The following DNER variants were observed in gnomAD, a reference collection of about 807,000 sequenced individuals.
DNER encodes delta/notch like EGF repeat containing.
Under a neutral mutation model 78.2 loss-of-function variants are expected in DNER, and 33 were observed. The ratio of observed to expected loss-of-function variants is 0.42; its 90% CI spans 0.32 to 0.56. DNER has a LOEUF of 0.56. Ranked by LOEUF, DNER falls within the 20% of genes least tolerant of loss-of-function variation. The pLI is 0.11. For missense variants in DNER, 918 were observed against 975.3 expected, an observed-to-expected ratio of 0.94 and a Z score of 0.78; for synonymous variants, 417 against 384.8, an observed-to-expected ratio of 1.08 and a Z score of -0.98.
At chr2:229,431,090 C>A (rs189660154) in intron 8 of DNER, among the ~76,000 whole-genome samples, 9 of 152,176 alleles carry the variant, frequency 5.9e-5, no homozygotes, top group Admixed American at 5.2e-4. Context: ...GTTAAAAATT[C>A]TGTAACTTCT....
At chr2:229,456,273 C>A (rs558807998) in intron 7 of DNER, among the ~76,000 whole-genome samples, 7 of 151,826 alleles carry the variant, frequency 4.6e-5, no homozygotes, top group African/African-American at 1.7e-4. Flanking sequence ...CCAGCTGTCA[C>A]GTGAACTCAG....
In DNER at chr2:229,491,267, G is replaced by A. The variant is rs530584970; in HGVS notation, c.1148-14014C>T. 1.1e-4 allele frequency among the ~76,000 whole-genome samples: 17 copies of A among 152,252 alleles called. No homozygotes were observed. The South Asian group carries it at 2.1e-3, about 19-fold the overall frequency. On this transcript the variant is annotated intron_variant, in intron 6 of 12. Transcript: ENST00000341772. The stretch of plus-strand genomic sequence containing the variant: ...AAATACCTGACACTAGGAAATTTAC[G>A]AGGTGCATGCAGATTCAGTGTTTGG...
chr2:229,564,050 C>G (rs111162778), intron 4 of DNER, among the ~76,000 whole-genome samples: 1 of 77,274 alleles, frequency 1.3e-5, no homozygotes, highest in Non-Finnish European at 2.5e-5. Flanking sequence ...ATCATCAACA[C>G]CATCACCCCA....
intron 5 of DNER, among the ~76,000 whole-genome samples, chr2:229,537,829 C>T (rs573138645): frequency 1.1e-3 from 174 of 152,108 alleles, no homozygotes; most frequent in Non-Finnish European, 1.8e-3. Flanking sequence ...CATATGTATA[C>T]ATGTGACAGG....
intron 10 of DNER, among the ~76,000 whole-genome samples, chr2:229,400,246 T>A (rs1447683737): frequency 2.6e-5 from 4 of 152,040 alleles, no homozygotes; most frequent in African/African-American, 9.7e-5. Context: ...ATGTTTAGCT[T>A]AATATAGACA....
intron 10 of DNER, among the ~76,000 whole-genome samples, chr2:229,402,552 C>A (rs1693290642): frequency 6.6e-6 from 1 of 152,140 alleles, no homozygotes; most frequent in South Asian, 2.1e-4. Context: ...ATAGTAACAT[C>A]ATTCTACCTT....
intron 5 of DNER, among the ~76,000 whole-genome samples, chr2:229,539,596 A>G (rs1164633885): frequency 6.6e-6 from 1 of 152,238 alleles, no homozygotes; most frequent in Non-Finnish European, 1.5e-5. Flanking sequence ...GTACAGATCT[A>G]ACTCAAAACT....
chr2:229,669,973 A>G (rs13422868), intron 1 of DNER, among the ~76,000 whole-genome samples: 31,532 of 152,114 alleles, frequency 0.21, 5,669 homozygotes, highest in African/African-American at 0.49. Context: ...TCCCTGTGCA[A>G]GCTGCAGAGA....
chr2:229,552,573 T>C (rs1278939699), intron 4 of DNER, among the ~76,000 whole-genome samples: 1 of 152,088 alleles, frequency 6.6e-6, no homozygotes, highest in African/African-American at 2.4e-5. Flanking sequence ...ATAAGGGGCT[T>C]TTCCCCCTTT....
intron 11 of DNER, among the ~76,000 whole-genome samples, chr2:229,371,179 C>T (rs775702243): frequency 5.3e-5 from 8 of 152,212 alleles, no homozygotes; most frequent in Non-Finnish European, 8.8e-5. Context: ...GCTTTACAGG[C>T]TAATTGGTTT....
Position 229,547,186 on chromosome 2 carries a change from T to C in DNER, c.848-94A>G, listed in dbSNP as rs1168314129. 11 of 1,511,580 alleles carry C rather than the reference T, an allele frequency of 7.3e-6. No individual in the cohort carries two copies. The Admixed American group carries it at 2.0e-4, about 27-fold the overall frequency. The allele number at this position is 1,511,580 out of a possible 1,614,324, so 93.6% of individuals were successfully genotyped here. The stretch of plus-strand genomic sequence containing the variant: ...TACCAACAGCCTTTCTACAAGACTA[T>C]GAATTTAGTGTAGGCAGCACTCAAG... On this transcript the variant is annotated intron_variant, in intron 4 of 12. Transcript: ENST00000341772.
At chr2:229,529,985 G>C (rs1322318848) in intron 5 of DNER, among the ~76,000 whole-genome samples, 1 of 151,648 alleles carries the variant, frequency 6.6e-6, no homozygotes, top group Non-Finnish European at 1.5e-5. Context: ...ATGGGTGACA[G>C]AGTGAGGCCT....
chr2:229,583,283 A>G (rs1401144199), intron 4 of DNER, among the ~76,000 whole-genome samples: 1 of 152,230 alleles, frequency 6.6e-6, no homozygotes, highest in Admixed American at 6.5e-5. Context: ...CATGTAATGC[A>G]CCTGACCTAG....
At chr2:229,515,322 G>T (rs543446576) in intron 5 of DNER, among the ~76,000 whole-genome samples, 1 of 152,198 alleles carries the variant, frequency 6.6e-6, no homozygotes, top group African/African-American at 2.4e-5. Flanking sequence ...ATATGTGCAT[G>T]AGTCCTGTTT....
intron 7 of DNER, among the ~76,000 whole-genome samples, chr2:229,459,561 A>G (rs1694647055): frequency 1.3e-5 from 2 of 152,190 alleles, no homozygotes; most frequent in Non-Finnish European, 1.5e-5. Context: ...TTTACAGACG[A>G]AGGTTCAGAG....
intron 8 of DNER, among the ~76,000 whole-genome samples, chr2:229,443,982 C>T (rs1393344100): frequency 1.3e-5 from 2 of 152,182 alleles, no homozygotes; most frequent in Non-Finnish European, 2.9e-5. Flanking sequence ...CCAGGTTCAA[C>T]AAGAGGGCCC....
chr2:229,648,875 A>G (rs1378494351), intron 1 of DNER, among the ~76,000 whole-genome samples: 1 of 152,212 alleles, frequency 6.6e-6, no homozygotes, highest in Non-Finnish European at 1.5e-5. Context: ...TCACCTCTAT[A>G]TTCACTGTTC....
At chr2:229,509,547 C>T (rs924797862) in intron 6 of DNER, among the ~76,000 whole-genome samples, 6 of 152,336 alleles carry the variant, frequency 3.9e-5, no homozygotes, top group African/African-American at 7.2e-5. Context: ...GGCGCAGTGG[C>T]GCACACCTGT....
chr2:229,451,707 G>A (rs545657977), intron 7 of DNER, among the ~76,000 whole-genome samples: 5 of 152,270 alleles, frequency 3.3e-5, no homozygotes, highest in South Asian at 4.2e-4. Context: ...GTGCTTACAC[G>A]TCTCCTACAC....
Sources: allele counts gnomAD v4.1 joint callset (sites outside exome capture counted in the v4.1 genomes callset), GRCh38; gene constraint gnomAD v4.1.1; transcripts MANE v1.5; gene names NCBI Gene and HGNC (gene_info 2026-07-23, HGNC 2026-07-21).